Variants in DROSHA observed in about 807,000 individuals in gnomAD.
The protein encoded by DROSHA is ribonuclease 3.
A neutral mutation model predicts 181.9 loss-of-function variants in DROSHA; 56 were observed. The ratio of observed to expected loss-of-function variants is 0.31; its 90% confidence interval spans 0.25 to 0.38. The LOEUF is 0.38. DROSHA is among the 10% of genes least tolerant of loss of function. The probability of loss-of-function intolerance (pLI) is 1.00; values close to 1 mark genes in which losing one functional copy is unlikely to be tolerated. For missense variants in DROSHA, 1,218 were observed against 1,743.5 expected, an observed-to-expected ratio of 0.70 and a Z score of 5.37; for synonymous variants, 524 against 591.2, an observed-to-expected ratio of 0.89 and a Z score of 1.65.
intron 16 of DROSHA, among the ~76,000 whole-genome samples, chr5:31,475,157 A>G (rs1487866350): frequency 2.0e-5 from 3 of 152,038 alleles, no homozygotes; most frequent in African/African-American, 7.2e-5. Flanking sequence ...TCTCTACAAA[A>G]AAATACAAAA....
At chr5:31,492,163 A>G (rs1272922446) in intron 13 of DROSHA, among the ~76,000 whole-genome samples, 1 of 152,254 alleles carries the variant, frequency 6.6e-6, no homozygotes, top group Non-Finnish European at 1.5e-5. Flanking sequence ...ATATTATGAA[A>G]TGATTTTATT....
At chr5:31,492,295 A>T (rs1408947906) in intron 13 of DROSHA, among the ~76,000 whole-genome samples, 1 of 152,242 alleles carries the variant, frequency 6.6e-6, no homozygotes, top group Admixed American at 6.5e-5. Context: ...CTATGGAATC[A>T]TATCTACTTA....
chr5:31,500,019 G>A (rs375375152), intron 11 of DROSHA, among the ~76,000 whole-genome samples: 1 of 152,118 alleles, frequency 6.6e-6, no homozygotes, highest in Admixed American at 6.5e-5. Flanking sequence ...ACCTGAAATG[G>A]GGACATTTAT....
At chr5:31,492,938 T>C (rs1752579270) in intron 13 of DROSHA, among the ~76,000 whole-genome samples, 1 of 152,214 alleles carries the variant, frequency 6.6e-6, no homozygotes, top group Admixed American at 6.5e-5. Context: ...TTTATCCTCC[T>C]TTTCCAATCT....
At chr5:31,497,763 G>A (rs1394743185) in intron 11 of DROSHA, among the ~76,000 whole-genome samples, 1 of 152,246 alleles carries the variant, frequency 6.6e-6, no homozygotes, top group African/African-American at 2.4e-5. Context: ...GGTGGCTGGG[G>A]TGTTTTGAGT....
Position 31,500,470 on chromosome 5 carries a change from C to T in DROSHA, c.1668+4085G>A, listed in dbSNP as rs183230157. On this transcript the variant is annotated intron_variant, in intron 11 of 35. Transcript: ENST00000344624. ...AAAAGCATGAAGAAGCAACGGCCCA[C>T]GCTGAGCAAAGCTGAAATACCGGAA... Among the ~76,000 whole-genome samples the T allele has an allele frequency of 8.7e-4, 132 of 152,318 alleles. No homozygotes were observed. In the East Asian group the frequency reaches 0.01, roughly 12 times the overall value.
At chr5:31,445,609 C>G (rs1032386463) in intron 23 of DROSHA, among the ~76,000 whole-genome samples, 2 of 152,154 alleles carry the variant, frequency 1.3e-5, no homozygotes, top group African/African-American at 4.8e-5. Flanking sequence ...ACACCACAAT[C>G]AAGTGGGAGG....
chr5:31,477,508 T>G (rs1369904477), intron 16 of DROSHA, among the ~76,000 whole-genome samples: 1 of 152,246 alleles, frequency 6.6e-6, no homozygotes, highest in Non-Finnish European at 1.5e-5. Context: ...TAGATGGTTT[T>G]GCAAACTACA....
At chr5:31,441,886 T>G (rs922626898) in intron 23 of DROSHA, among the ~76,000 whole-genome samples, 1 of 152,168 alleles carries the variant, frequency 6.6e-6, no homozygotes, top group African/African-American at 2.4e-5. Context: ...AATCTTCACA[T>G]GGAAAGCAAG....
intron 1 of DROSHA, 74 bp downstream of exon 1, chr5:31,531,916 C>T (rs1489572009): frequency 6.3e-6 from 1 of 159,126 alleles, no homozygotes; most frequent in Non-Finnish European, 1.4e-5. Context: ...CACCCCAGCC[C>T]CGGAGACTCC....
At chr5:31,527,927 T>G (rs1052227263) in intron 4 of DROSHA, among the ~76,000 whole-genome samples, 14 of 152,206 alleles carry the variant, frequency 9.2e-5, no homozygotes, top group Non-Finnish European at 1.2e-4. Context: ...CCACCTTGTC[T>G]TGAAAACCAA....
chr5:31,483,552 A>C lies in DROSHA; in HGVS notation c.2071+2T>G. 6.2e-7 allele frequency: 1 copy of C among 1,613,310 alleles called. No individual in the cohort carries two copies. The highest frequency in any genetic ancestry group is 8.5e-7 in the Non-Finnish European group (1 of 1,179,652). ...AGGTCACTGACAAGCCAGAAGATTTACCTGGAAGAAATCTTACAAAACGTG... is the reference window on the plus strand; with the variant it reads ...AGGTCACTGACAAGCCAGAAGATTTCCCTGGAAGAAATCTTACAAAACGTG... On this transcript the variant is annotated splice_donor_variant, in intron 16 of 35. Transcript: ENST00000344624. LOFTEE classifies it high-confidence loss of function.
intron 21 of DROSHA, 110 bp downstream of exon 21, chr5:31,451,423 A>G: frequency 2.2e-6 from 2 of 908,990 alleles, no homozygotes; most frequent in Admixed American, 4.7e-5. Context: ...TATGTTTCTA[A>G]CAATCCTTGT....
At chr5:31,424,361 G>T (rs922017962) in intron 28 of DROSHA, 66 bp downstream of exon 28, 1 of 1,542,904 alleles carries the variant, frequency 6.5e-7, no homozygotes, top group South Asian at 1.2e-5. Context: ...GGAAAAAAAG[G>T]CAAAGGAAAG....
chr5:31,412,848 C>CT (rs1394302151), intron 30 of DROSHA, among the ~76,000 whole-genome samples: 1 of 152,088 alleles, frequency 6.6e-6, no homozygotes, highest in Non-Finnish European at 1.5e-5. Flanking sequence ...AGTGATATAT[C>CT]TTTTTTGGTT....
At chr5:31,402,844 C>T (rs1400175188) in intron 35 of DROSHA, among the ~76,000 whole-genome samples, 2 of 152,164 alleles carry the variant, frequency 1.3e-5, no homozygotes, top group Non-Finnish European at 2.9e-5. Flanking sequence ...CGCTGGAGCG[C>T]AGTCCCTCAG....
rs376783043 is a variant in DROSHA at position 31,453,635 on chromosome 5, T to G, written c.2575-1995A>C. Reference sequence around the variant, plus strand: ...CATCTTGTTTTAGCTAACCTACACTTTACTTCCTTGCTTCCTTTAACCTTT... The same window carrying G: ...CATCTTGTTTTAGCTAACCTACACTGTACTTCCTTGCTTCCTTTAACCTTT... On this transcript the variant is annotated intron_variant, in intron 20 of 35. Transcript: ENST00000344624. Among the ~76,000 whole-genome samples, 5 of 152,290 alleles carry G rather than the reference T, an allele frequency of 3.3e-5. No individual in the cohort carries two copies. In the East Asian group the frequency reaches 9.6e-4, roughly 29 times the overall value.
chr5:31,403,607 T>C (rs1038925476), intron 35 of DROSHA, among the ~76,000 whole-genome samples: 1 of 152,154 alleles, frequency 6.6e-6, no homozygotes, highest in Admixed American at 6.6e-5. Flanking sequence ...ATAGCAAGGG[T>C]TGGTAAACTA....
chr5:31,417,600 G>T (rs559139663), intron 30 of DROSHA, among the ~76,000 whole-genome samples: 4 of 152,060 alleles, frequency 2.6e-5, no homozygotes, highest in African/African-American at 9.7e-5. Context: ...AAAGGGAAAA[G>T]GCCAAAGACA....
Sources: gnomAD v4.1 joint callset for allele counts (sites outside exome capture counted in the v4.1 genomes callset) on GRCh38, gnomAD v4.1.1 for gene constraint, MANE v1.5 for transcripts, NCBI Gene and HGNC (gene_info 2026-07-23, HGNC 2026-07-21) for gene names.